AHI1: variants seen among roughly 807,000 people sequenced by gnomAD.
AHI1 encodes Abelson helper integration site 1.
AHI1 carries 123 observed loss-of-function variants against 149.3 expected under a neutral mutation model. The observed-to-expected ratio is 0.82, with a 90% confidence interval of 0.71 to 0.96. AHI1 has a LOEUF of 0.96. Ranked by LOEUF, AHI1 falls within the 40% of genes least tolerant of loss-of-function variation. The pLI is 0.00. For missense variants in AHI1, 1,439 were observed against 1,422.7 expected, an observed-to-expected ratio of 1.01 and a Z score of -0.18; for synonymous variants, 475 against 459.8, an observed-to-expected ratio of 1.03 and a Z score of -0.42.
intron 24 of AHI1, among the ~76,000 whole-genome samples, chr6:135,348,444 T>G (rs1791582672): frequency 6.6e-6 from 1 of 152,188 alleles, no homozygotes; most frequent in African/African-American, 2.4e-5. Flanking sequence ...AAAGGAAAAT[T>G]TTAAGTAACC....
intron 20 of AHI1, among the ~76,000 whole-genome samples, chr6:135,413,666 T>C (rs1486873563): frequency 6.6e-6 from 1 of 151,796 alleles, no homozygotes; most frequent in African/African-American, 2.4e-5. Flanking sequence ...AGCAATGTTG[T>C]AGGATTGAGA....
chr6:135,336,427 G>A (rs1453183503), intron 24 of AHI1, among the ~76,000 whole-genome samples: 1 of 151,766 alleles, frequency 6.6e-6, no homozygotes, highest in African/African-American at 2.4e-5. Flanking sequence ...GTGAAACCCT[G>A]TCTCTACTAA....
chr6:135,336,267 C>G (rs1358920502), intron 24 of AHI1, among the ~76,000 whole-genome samples: 2 of 151,924 alleles, frequency 1.3e-5, no homozygotes. Flanking sequence ...TTATAGCTGT[C>G]ATAATGTCAC....
At chr6:135,403,162 T>C (rs926187120) in intron 22 of AHI1, among the ~76,000 whole-genome samples, 3 of 152,222 alleles carry the variant, frequency 2.0e-5, no homozygotes, top group East Asian at 3.9e-4. Flanking sequence ...TGTGTATGTG[T>C]AGGAATTGGG....
intron 14 of AHI1, among the ~76,000 whole-genome samples, chr6:135,441,543 C>T (rs1026687604): frequency 6.0e-5 from 9 of 149,334 alleles, no homozygotes; most frequent in African/African-American, 2.3e-4. Context: ...ATTCCTCTTC[C>T]TCCTCTATTT....
At chr6:135,376,228 G>A (rs1485470181) in intron 23 of AHI1, among the ~76,000 whole-genome samples, 1 of 152,080 alleles carries the variant, frequency 6.6e-6, no homozygotes, top group Non-Finnish European at 1.5e-5. Flanking sequence ...GATCATCAAT[G>A]GACACTGAAA....
At chr6:135,388,830 G>T (rs1163803319) in intron 23 of AHI1, among the ~76,000 whole-genome samples, 1 of 151,322 alleles carries the variant, frequency 6.6e-6, no homozygotes, top group African/African-American at 2.4e-5. Context: ...TGGTCAACAC[G>T]GTGAAACCCC....
intron 8 of AHI1, among the ~76,000 whole-genome samples, chr6:135,460,377 G>A (rs1789686296): frequency 2.6e-5 from 4 of 152,176 alleles, no homozygotes; most frequent in Non-Finnish European, 2.9e-5. Context: ...AGATTCTGCT[G>A]AAATGTATAT....
chr6:135,464,796 A>C (rs1790484111), intron 7 of AHI1, among the ~76,000 whole-genome samples: 1 of 152,184 alleles, frequency 6.6e-6, no homozygotes, highest in South Asian at 2.1e-4. Context: ...CAGCTATGTC[A>C]CTTGACAGAT....
chr6:135,334,716 G>GA (rs530085464), intron 24 of AHI1, among the ~76,000 whole-genome samples: 2 of 152,128 alleles, frequency 1.3e-5, no homozygotes, highest in African/African-American at 4.8e-5. Flanking sequence ...GTTAAGAGAA[G>GA]AAAAAATCAT....
chr6:135,336,867 T>C (rs1789469012), intron 24 of AHI1, among the ~76,000 whole-genome samples: 1 of 152,208 alleles, frequency 6.6e-6, no homozygotes, highest in Non-Finnish European at 1.5e-5. Context: ...AGGAAGGTGT[T>C]AACCATTTTA....
intron 24 of AHI1, among the ~76,000 whole-genome samples, chr6:135,325,097 A>G (rs9402703): frequency 0.6 from 89,637 of 150,616 alleles, 26,662 homozygotes; most frequent in Middle Eastern, 0.65. Flanking sequence ...TGTGATCTAC[A>G]CTCACTGCAA....
chr6:135,448,382 C>A lies in AHI1; in HGVS notation c.1534G>T (p.Val512Phe), dbSNP rs1787566806. The A allele has an allele frequency of 1.2e-6, 2 of 1,610,536 alleles. No individual in the cohort carries two copies. Among genetic ancestry groups the A allele is most frequent in the Non-Finnish European group, 1.7e-6 (2 of 1,177,696 alleles). Residue 512 changes from valine (V) to phenylalanine (F), a missense_variant, in exon 12 of 29, where the codon GTT becomes TTT. Coordinates refer to ENST00000265602, the MANE Select transcript of AHI1 (RefSeq NM_001134831.2). Reference sequence around the variant, plus strand: ...TTTGACCACCATTCAAATGCCTCAACAACACTTAATGGGGATCGAGGCTTA... The same window carrying A: ...TTTGACCACCATTCAAATGCCTCAAAAACACTTAATGGGGATCGAGGCTTA... ...PTKPRSPLSV[V>F]EAFEWWSKCP...
At chr6:135,398,200 A>C (rs1779523502) in intron 22 of AHI1, among the ~76,000 whole-genome samples, 1 of 151,946 alleles carries the variant, frequency 6.6e-6, no homozygotes, top group Non-Finnish European at 1.5e-5. Context: ...ACATTCTCAT[A>C]ATATAAATTT....
chr6:135,300,714 CTATCAGGA>C lies in AHI1; in HGVS notation c.3427-164_3427-157del, dbSNP rs1036277667. 1.2e-5 allele frequency: 16 copies of C among 1,302,648 alleles called. No homozygotes were observed. In the African/African-American group the frequency reaches 2.1e-4, roughly 17 times the overall value. 80.7% of individuals were successfully genotyped at this position (1,302,648 alleles called of 1,614,324 possible). ...TATGCCTGTCCTGAACATATATTGTCTATCAGGACAATATATTTGCTCCCATGAAAAAC... is the reference window on the plus strand; with the variant it reads ...TATGCCTGTCCTGAACATATATTGTCCAATATATTTGCTCCCATGAAAAAC... On this transcript the variant is annotated intron_variant, in intron 26 of 28. Transcript: ENST00000265602.
intron 5 of AHI1, among the ~76,000 whole-genome samples, chr6:135,469,041 G>A (rs1169701821): frequency 1.3e-5 from 2 of 152,152 alleles, no homozygotes; most frequent in Admixed American, 6.5e-5. Flanking sequence ...AAACCTGGCA[G>A]AGATGCAACA....
chr6:135,319,633 A>G (rs1186723876), intron 25 of AHI1, among the ~76,000 whole-genome samples: 1 of 152,230 alleles, frequency 6.6e-6, no homozygotes, highest in Non-Finnish European at 1.5e-5. Context: ...TATTGAATCT[A>G]AAGAGCTATG....
rs531639316 is a variant in AHI1 at position 135,354,505 on chromosome 6, T to A, written c.3165+3627A>T. Among the ~76,000 whole-genome samples the A allele has an allele frequency of 2.6e-5, 4 of 152,306 alleles. No individual in the cohort carries two copies. In the South Asian group the frequency reaches 8.3e-4, roughly 32 times the overall value. On this transcript the variant is annotated intron_variant, in intron 24 of 28. Transcript: ENST00000265602. ...TGTTTTAACTATGTTCCAGGGGGAA[T>A]ACTTCCTTATGCTAGTTGCCATTTC...
intron 16 of AHI1, 135 bp downstream of exon 16, chr6:135,432,892 T>A (rs957977298): frequency 4.7e-6 from 3 of 643,264 alleles, no homozygotes; most frequent in Non-Finnish European, 5.4e-6. Context: ...ATATCTATCA[T>A]ATGACCTGCA....
Sources: allele counts gnomAD v4.1 joint callset (sites outside exome capture counted in the v4.1 genomes callset), GRCh38; gene constraint gnomAD v4.1.1; transcripts MANE v1.5; gene names NCBI Gene and HGNC (gene_info 2026-07-23, HGNC 2026-07-21).